FAM135B: variants seen among roughly 807,000 people sequenced by gnomAD.
FAM135B encodes the protein family with sequence similarity 135 member B.
A neutral mutation model predicts 127.7 loss-of-function variants in FAM135B; 43 were observed. The ratio of observed to expected loss-of-function variants is 0.34; its 90% CI spans 0.26 to 0.43. FAM135B has a LOEUF of 0.43. FAM135B is among the 20% of genes least tolerant of loss of function. The probability of loss-of-function intolerance (pLI) is 1.00; values close to 1 mark genes in which losing one functional copy is unlikely to be tolerated. For synonymous variants in FAM135B, 670 were observed against 665.1 expected (o/e 1.01, Z -0.11); for missense variants, 1,558 against 1,725.6 (o/e 0.90, Z 1.72).
chr8:138,195,067 G>A (rs1043684712), intron 9 of FAM135B, among the ~76,000 whole-genome samples, 191 bp downstream of exon 9: 2 of 152,184 alleles, frequency 1.3e-5, no homozygotes, highest in African/African-American at 4.8e-5. Context: ...AAAATATCTA[G>A]CAAGGCACAT....
rs1037250782 is a variant in FAM135B, at chr8:138,368,012, AAG to A, written c.-19-12_-19-11del. 1 of 1,596,746 alleles carries A rather than the reference AAG, an allele frequency of 6.3e-7. No individual in the cohort carries two copies. The highest frequency in any genetic ancestry group is 1.3e-5 in the African/African-American group (1 of 74,530). ...CTTTTTGGCTCATTACCTGAAAAACAAGAGAGAAATTAACAGTTTGAGATCAC... is the reference window on the plus strand; with the variant it reads ...CTTTTTGGCTCATTACCTGAAAAACAAGAGAAATTAACAGTTTGAGATCAC... On this transcript the variant is annotated splice_polypyrimidine_tract_variant and intron_variant, in intron 1 of 19. Transcript: ENST00000395297.
chr8:138,464,827 C>A (rs1029368121), intron 1 of FAM135B, among the ~76,000 whole-genome samples: 1 of 152,184 alleles, frequency 6.6e-6, no homozygotes, highest in Non-Finnish European at 1.5e-5. Flanking sequence ...CTGCCCCCTA[C>A]GCTGGCCCTG....
intron 7 of FAM135B, among the ~76,000 whole-genome samples, chr8:138,206,174 G>T (rs1236232416): frequency 2.2e-5 from 3 of 136,648 alleles, no homozygotes; most frequent in African/African-American, 9.1e-5. Flanking sequence ...CTCCACCTCT[G>T]CAAGGCTCCA....
At chr8:138,203,818 G>A (rs1031630009) in intron 7 of FAM135B, among the ~76,000 whole-genome samples, 2 of 152,134 alleles carry the variant, frequency 1.3e-5, no homozygotes, top group African/African-American at 2.4e-5. Context: ...TAGAGTCAGT[G>A]ATAGCCCTGA....
intron 1 of FAM135B, among the ~76,000 whole-genome samples, chr8:138,470,043 C>T (rs1837594646): frequency 6.6e-6 from 1 of 151,982 alleles, no homozygotes; most frequent in Non-Finnish European, 1.5e-5. Context: ...AGTATGCAGG[C>T]TAGTGAATGA....
intron 6 of FAM135B, among the ~76,000 whole-genome samples, chr8:138,245,358 G>A (rs548175632): frequency 5.3e-5 from 8 of 152,256 alleles, no homozygotes; most frequent in Non-Finnish European, 1.0e-4. Flanking sequence ...TGTAGTTTTT[G>A]TAATACCCAC....
At chr8:138,240,069 G>A (rs997680120) in intron 7 of FAM135B, among the ~76,000 whole-genome samples, 1 of 152,064 alleles carries the variant, frequency 6.6e-6, no homozygotes, top group Non-Finnish European at 1.5e-5. Flanking sequence ...AATGGGTGTA[G>A]CACACCAACA....
At chr8:138,312,110 C>A (rs775362707) in intron 2 of FAM135B, among the ~76,000 whole-genome samples, 21 of 152,072 alleles carry the variant, frequency 1.4e-4, no homozygotes, top group Non-Finnish European at 2.9e-4. Context: ...CCACGCCTGG[C>A]TAATTTTTGT....
At chr8:138,267,976 G>A (rs1259146493) in intron 3 of FAM135B, among the ~76,000 whole-genome samples, 1 of 152,154 alleles carries the variant, frequency 6.6e-6, no homozygotes, top group Non-Finnish European at 1.5e-5. Context: ...TGATCTATAA[G>A]CCAGAATGAC....
chr8:138,401,764 T>C (rs964454670), intron 1 of FAM135B, among the ~76,000 whole-genome samples: 1 of 152,220 alleles, frequency 6.6e-6, no homozygotes, highest in East Asian at 1.9e-4. Context: ...TGAATGTGAC[T>C]GATGGGCAAG....
intron 6 of FAM135B, among the ~76,000 whole-genome samples, chr8:138,248,595 G>A (rs955073169): frequency 2.6e-5 from 4 of 152,012 alleles, no homozygotes; most frequent in Admixed American, 2.6e-4. Context: ...TGAGGTGTGT[G>A]GATTGCTTGA....
intron 17 of FAM135B, 91 bp from the exon 18 acceptor site, chr8:138,139,187 G>GTT: frequency 1.3e-6 from 1 of 741,664 alleles, no homozygotes. Flanking sequence ...ACGTTAAACT[G>GTT]AATTTTAGTT....
chr8:138,425,722 T>A (rs937117258), intron 1 of FAM135B, among the ~76,000 whole-genome samples: 1 of 151,976 alleles, frequency 6.6e-6, no homozygotes, highest in African/African-American at 2.4e-5. Flanking sequence ...TCTTACTCAG[T>A]GTAGATACCA....
intron 1 of FAM135B, among the ~76,000 whole-genome samples, chr8:138,374,278 T>C (rs1831328758): frequency 6.6e-6 from 1 of 152,218 alleles, no homozygotes; most frequent in African/African-American, 2.4e-5. Flanking sequence ...TCCAGGCTTC[T>C]GCATCTGTAC....
At chr8:138,262,714 C>T (rs901271041) in intron 4 of FAM135B, among the ~76,000 whole-genome samples, 1 of 151,762 alleles carries the variant, frequency 6.6e-6, no homozygotes, top group Non-Finnish European at 1.5e-5. Context: ...GCCTGGCCAA[C>T]ATAGTGAAAC....
At chr8:138,362,279 ATATCTT>A (rs35559951) in intron 2 of FAM135B, among the ~76,000 whole-genome samples, 42,093 of 121,954 alleles carry the variant, frequency 0.35, 6,241 homozygotes, top group East Asian at 0.53. Flanking sequence ...CCCCACCCCC[ATATCTT>A]TTTTTTTTTT....
At chr8:138,419,539 C>T (rs2131445700) in intron 1 of FAM135B, among the ~76,000 whole-genome samples, 1 of 152,258 alleles carries the variant, frequency 6.6e-6, no homozygotes, top group African/African-American at 2.4e-5. Flanking sequence ...TTCCACCCAA[C>T]AATAACAGAA....
At chr8:138,453,664 C>T (rs1015894533) in intron 1 of FAM135B, among the ~76,000 whole-genome samples, 1 of 152,188 alleles carries the variant, frequency 6.6e-6, no homozygotes, top group Non-Finnish European at 1.5e-5. Context: ...ATAGAACCAG[C>T]AGGGTCCATA....
At chr8:138,377,820 G>T (rs536165829) in intron 1 of FAM135B, among the ~76,000 whole-genome samples, 5 of 152,320 alleles carry the variant, frequency 3.3e-5, no homozygotes, top group African/African-American at 1.2e-4. Flanking sequence ...GCATGTATCT[G>T]CATTCAGTGA....
Sources: allele counts gnomAD v4.1 joint callset (sites outside exome capture counted in the v4.1 genomes callset), GRCh38; gene constraint gnomAD v4.1.1; transcripts MANE v1.5; gene names NCBI Gene and HGNC (gene_info 2026-07-23, HGNC 2026-07-21).